NXPE2: variants seen among roughly 807,000 people sequenced by gnomAD.
NXPE2 encodes NXPE family member 2.
Under a neutral mutation model 34.4 loss-of-function variants are expected in NXPE2, and 34 were observed. That is an observed-to-expected ratio of 0.99 (90% CI 0.75 to 1.31). NXPE2 has a LOEUF of 1.31. NXPE2 is among the 40% of genes most tolerant of loss of function. The pLI, the probability that NXPE2 is intolerant of heterozygous loss-of-function variation, is 0.00. For missense variants in NXPE2, 649 were observed against 672.5 expected (o/e 0.97, Z 0.39); for synonymous variants, 235 against 231.3 (o/e 1.02, Z -0.15).
intron 2 of NXPE2, among the ~76,000 whole-genome samples, chr11:114,684,216 A>T (rs1435286816): frequency 6.6e-6 from 1 of 152,144 alleles, no homozygotes; most frequent in African/African-American, 2.4e-5. Context: ...TCACAAGGTC[A>T]GGAGATCGAG....
At chr11:114,690,425 C>G (rs1171596116) in intron 2 of NXPE2, among the ~76,000 whole-genome samples, 2 of 152,154 alleles carry the variant, frequency 1.3e-5, no homozygotes, top group African/African-American at 4.8e-5. Flanking sequence ...AATGGAACCT[C>G]TGTCTCTTCT....
chr11:114,591,637 G>A, the NXPE2 span, among the ~76,000 whole-genome samples: 1 of 152,138 alleles, frequency 6.6e-6, no homozygotes, highest in African/African-American at 2.4e-5. Flanking sequence ...CCCTCAGGAT[G>A]ACTACAGTCA....
the NXPE2 span, among the ~76,000 whole-genome samples, chr11:114,793,263 T>A: frequency 6.6e-6 from 1 of 152,218 alleles, no homozygotes; most frequent in East Asian, 1.9e-4. Context: ...GTACCTTGGA[T>A]AGGGCCCCAA....
chr11:114,796,815 G>A, the NXPE2 span, among the ~76,000 whole-genome samples: 1 of 152,236 alleles, frequency 6.6e-6, no homozygotes, highest in African/African-American at 2.4e-5. Flanking sequence ...TGTGTGAGAT[G>A]TGTACCATTG....
At chr11:114,651,533 G>A in the NXPE2 span, among the ~76,000 whole-genome samples, 1 of 152,222 alleles carries the variant, frequency 6.6e-6, no homozygotes, top group African/African-American at 2.4e-5. Context: ...AAGAGAATCC[G>A]AAAAGATTGC....
the NXPE2 span, among the ~76,000 whole-genome samples, chr11:114,802,712 C>T: frequency 6.6e-6 from 1 of 152,018 alleles, no homozygotes; most frequent in Non-Finnish European, 1.5e-5. Context: ...TAATTGTAAA[C>T]TTGATGTGTC....
At chr11:114,647,429 C>G in the NXPE2 span, among the ~76,000 whole-genome samples, 2 of 152,130 alleles carry the variant, frequency 1.3e-5, no homozygotes, top group Non-Finnish European at 2.9e-5. Context: ...GTAAAACTAT[C>G]TAAATCTATC....
the NXPE2 span, among the ~76,000 whole-genome samples, chr11:114,654,682 GGT>G: frequency 1.3e-5 from 2 of 152,058 alleles, no homozygotes; most frequent in South Asian, 2.1e-4. Context: ...AGTATTCCAT[GGT>G]GTATATATAC....
intron 3 of NXPE2, among the ~76,000 whole-genome samples, chr11:114,702,889 T>A (rs1951392522): frequency 6.6e-6 from 1 of 152,142 alleles, no homozygotes; most frequent in Non-Finnish European, 1.5e-5. Context: ...CAGGCAATTC[T>A]TCTCAATCTT....
the NXPE2 span, among the ~76,000 whole-genome samples, chr11:114,618,351 C>T: frequency 2.0e-5 from 3 of 146,454 alleles, no homozygotes. Context: ...GTTACCTGGT[C>T]AATAATAAGT....
At chr11:114,598,414 C>G in the NXPE2 span, among the ~76,000 whole-genome samples, 53 of 151,642 alleles carry the variant, frequency 3.5e-4, no homozygotes, top group Non-Finnish European at 6.2e-4. Flanking sequence ...CCAGTGGGGA[C>G]TCTGTGTGGG....
chr11:114,685,850 A>G (rs1951036640), intron 2 of NXPE2, among the ~76,000 whole-genome samples: 2 of 152,160 alleles, frequency 1.3e-5, no homozygotes, highest in South Asian at 2.1e-4. Flanking sequence ...ATTCTACTAC[A>G]TAATATTCTT....
At chr11:114,671,665 A>C in the NXPE2 span, among the ~76,000 whole-genome samples, 2 of 152,032 alleles carry the variant, frequency 1.3e-5, no homozygotes, top group African/African-American at 4.8e-5. Flanking sequence ...AAAATAGAAT[A>C]AGCCTGTCAA....
At chr11:114,506,293 A>G in the NXPE2 span, among the ~76,000 whole-genome samples, 6 of 152,190 alleles carry the variant, frequency 3.9e-5, no homozygotes, top group Non-Finnish European at 7.4e-5. Flanking sequence ...AGAGACTTTA[A>G]TGCCCCACTG....
chr11:114,709,494 T>C (rs1331076200), downstream of NXPE2, among the ~76,000 whole-genome samples: 2 of 152,246 alleles, frequency 1.3e-5, no homozygotes, highest in East Asian at 3.8e-4. Flanking sequence ...ATAATGACTA[T>C]ATTGCTAATA....
chr11:114,748,662 CT>C, the NXPE2 span, among the ~76,000 whole-genome samples: 1 of 152,164 alleles, frequency 6.6e-6, no homozygotes, highest in Non-Finnish European at 1.5e-5. Flanking sequence ...ATAAGCGATC[CT>C]GTGTTCTTCT....
rs905938723 is a variant in NXPE2 at position 114,698,030 on chromosome 11, C to T, written c.133-15C>T. 1 of 1,454,176 alleles carries T rather than the reference C, an allele frequency of 6.9e-7. No homozygotes were observed. The allele number at this position is 1,454,176 out of a possible 1,614,324, so 90.1% of individuals were successfully genotyped here. A position where few individuals can be genotyped will look rare whatever the true frequency, so the allele number is the denominator to read the frequency against. ...GTTTGCTGATGATATTTTCTTTTCC[C>T]TTTCAATATTTCAGTTCTCGTTCAA... On this transcript the variant is annotated splice_polypyrimidine_tract_variant and intron_variant, in intron 2 of 5. Coordinates refer to ENST00000389586, the MANE Select transcript of NXPE2 (RefSeq NM_182495.6).
chr11:114,716,684 G>A, the NXPE2 span, among the ~76,000 whole-genome samples: 1 of 152,158 alleles, frequency 6.6e-6, no homozygotes, highest in Non-Finnish European at 1.5e-5. Context: ...TGACCTCAAC[G>A]TTGCACATTC....
chr11:114,700,383 C>A (rs1003482116), intron 3 of NXPE2, among the ~76,000 whole-genome samples: 5 of 152,036 alleles, frequency 3.3e-5, no homozygotes, highest in African/African-American at 1.2e-4. Context: ...TGAGCAGCAA[C>A]CTGAGTTAAG....
Sources: gnomAD v4.1 joint callset for allele counts (sites outside exome capture counted in the v4.1 genomes callset) on GRCh38, gnomAD v4.1.1 for gene constraint, MANE v1.5 for transcripts, NCBI Gene and HGNC (gene_info 2026-07-23, HGNC 2026-07-21) for gene names.